Variants in NF1 observed in about 807,000 individuals in gnomAD.
NF1 encodes the protein neurofibromin.
NF1 carries 122 observed loss-of-function variants against 325.7 expected under a neutral mutation model. The ratio of observed to expected loss-of-function variants is 0.37; its 90% CI spans 0.32 to 0.44. The LOEUF (loss-of-function observed/expected upper bound fraction) is 0.44, where lower values mean the gene tolerates loss of function less well. Ranked by LOEUF, NF1 falls within the 20% of genes least tolerant of loss-of-function variation. NF1 has a pLI of 1.00. For synonymous variants in NF1, 1,091 were observed against 1,186.0 expected (o/e 0.92, Z 1.65); for missense variants, 2,140 against 3,415.4 (o/e 0.63, Z 9.31).
rs566112942 is a variant in NF1 at position 31,336,130 on chromosome 17, G to A, written c.6007-203G>A. Reference sequence around the variant, plus strand: ...TACCAATCTCTTAATCTCTGAAGGAGTCAAATGAATATACTCATCCTTTAC... The same window carrying A: ...TACCAATCTCTTAATCTCTGAAGGAATCAAATGAATATACTCATCCTTTAC... On this transcript the variant is annotated intron_variant, in intron 40 of 57. Coordinates refer to ENST00000358273, the MANE Select transcript of NF1 (RefSeq NM_001042492.3). The surrounding 1 kb of genome is among the most constrained non-coding windows in gnomAD (Gnocchi z 5.5). 6.6e-6 allele frequency among the ~76,000 whole-genome samples: 1 copy of A among 152,168 alleles called. No individual in the cohort carries two copies. Among genetic ancestry groups the A allele is most frequent in the Non-Finnish European group, 1.5e-5 (1 of 68,010 alleles).
chr17:31,187,862 A>C (rs2066271268), intron 8 of NF1, among the ~76,000 whole-genome samples: 1 of 152,136 alleles, frequency 6.6e-6, no homozygotes, highest in Non-Finnish European at 1.5e-5. Context: ...TAAGATTGCC[A>C]CCTGGACACA....
intron 3 of NF1, among the ~76,000 whole-genome samples, chr17:31,161,647 T>C (rs1227401773): frequency 6.6e-6 from 1 of 152,228 alleles, no homozygotes; most frequent in African/African-American, 2.4e-5. Flanking sequence ...CCTGGCCTTA[T>C]GTTCTCATGG....
intron 16 of NF1, 128 bp downstream of exon 16, chr17:31,223,695 G>A (rs2066966078): frequency 1.1e-6 from 1 of 886,846 alleles, no homozygotes; most frequent in Non-Finnish European, 1.8e-6. Context: ...GTTCTCAAAA[G>A]GAAATATGTA....
intron 36 of NF1, chr17:31,295,467 T>C: frequency 6.2e-7 from 1 of 1,614,186 alleles, no homozygotes; most frequent in Non-Finnish European, 8.5e-7. Context: ...AGAGAGTTAA[T>C]GGTGTCCACT....
intron 29 of NF1, among the ~76,000 whole-genome samples, chr17:31,247,193 CAAA>C (rs10564306): frequency 8.3e-4 from 78 of 94,402 alleles, no homozygotes; most frequent in Middle Eastern, 7.4e-3. Flanking sequence ...GACTCCATCT[CAAA>C]AAAAAAAAAA....
At chr17:31,356,850 T>C in intron 52 of NF1, 110 bp from the exon 53 acceptor site, 3 of 1,469,562 alleles carry the variant, frequency 2.0e-6, no homozygotes, top group Non-Finnish European at 2.8e-6. Context: ...TATGTTAGTA[T>C]TTTAAGTATC....
chr17:31,095,374 C>A lies in NF1; in HGVS notation c.60+5C>A. 1 of 1,539,434 alleles carries A rather than the reference C, an allele frequency of 6.5e-7. No individual in the cohort carries two copies. The highest frequency in any genetic ancestry group is 8.7e-7 in the Non-Finnish European group (1 of 1,146,354). On this transcript the variant is annotated splice_donor_5th_base_variant and intron_variant, in intron 1 of 57. Transcript: ENST00000358273. ...GTCAGCCGCTTCGACGAGCAGGTAA[C>A]CGGCCCGTGGCGGGCGGGAGGTGGG...
Position 31,236,057 on chromosome 17 carries a change from GT to G in NF1, c.3974+49del, listed in dbSNP as rs59745739. On this transcript the variant is annotated intron_variant, in intron 29 of 57. Transcript: ENST00000358273. Reference sequence around the variant, plus strand: ...TTTTCACATAGAACCGCTGTTTTTTGTTTTTTTTTTTTTGTTTGTTTGTTTT... The same window carrying G: ...TTTTCACATAGAACCGCTGTTTTTTGTTTTTTTTTTTTGTTTGTTTGTTTT... 0.029 allele frequency: 31,878 copies of G among 1,092,410 alleles called. No individual in the cohort carries two copies. The highest frequency in any genetic ancestry group is 0.033 in the Non-Finnish European group (25,858 of 773,408). The allele number at this position is 1,092,410 out of a possible 1,614,324, so 67.7% of individuals were successfully genotyped here.
chr17:31,112,995 A>G (rs1913556202), intron 1 of NF1, among the ~76,000 whole-genome samples: 1 of 152,184 alleles, frequency 6.6e-6, no homozygotes, highest in Non-Finnish European at 1.5e-5. Flanking sequence ...ACTATAATAA[A>G]ATATCAAGTC....
At chr17:31,278,184 C>G (rs1240820337) in intron 36 of NF1, 1 of 152,100 alleles carries the variant, frequency 6.6e-6, no homozygotes, top group Non-Finnish European at 1.5e-5. Flanking sequence ...TTCCGTTGAT[C>G]TGTTTTTGAA....
At chr17:31,187,875 T>C (rs1346545525) in intron 8 of NF1, among the ~76,000 whole-genome samples, 1 of 152,170 alleles carries the variant, frequency 6.6e-6, no homozygotes, top group Admixed American at 6.5e-5. Flanking sequence ...TGGACACACT[T>C]TGGGCTCCTC....
chr17:31,308,571 A>G (rs968172923), intron 36 of NF1, among the ~76,000 whole-genome samples: 1 of 152,048 alleles, frequency 6.6e-6, no homozygotes, highest in Admixed American at 6.6e-5. Context: ...TACTTTCTAA[A>G]CACACGATTT....
chr17:31,351,406 A>T (rs758577075), intron 50 of NF1, among the ~76,000 whole-genome samples: 2 of 151,952 alleles, frequency 1.3e-5, no homozygotes, highest in Non-Finnish European at 2.9e-5. Context: ...CATTTTATTT[A>T]TTTTTATTTT....
intron 1 of NF1, among the ~76,000 whole-genome samples, chr17:31,155,440 C>T (rs115215764): frequency 0.019 from 2,880 of 152,078 alleles, 103 homozygotes; most frequent in African/African-American, 0.066. Flanking sequence ...ACTGTTTTTT[C>T]CCCAGGTTTT....
chr17:31,138,735 A>G (rs1406760174), intron 1 of NF1, among the ~76,000 whole-genome samples: 2 of 117,936 alleles, frequency 1.7e-5, no homozygotes, highest in East Asian at 2.2e-4. Flanking sequence ...CTGGGACTAC[A>G]GGCTAATTTT....
At chr17:31,121,252 G>A (rs751682801) in intron 1 of NF1, among the ~76,000 whole-genome samples, 8 of 152,208 alleles carry the variant, frequency 5.3e-5, no homozygotes, top group Non-Finnish European at 1.0e-4. Flanking sequence ...GAAGGGAATA[G>A]GAATGGTAAA....
intron 36 of NF1, 62 bp from the exon 37 acceptor site, chr17:31,325,758 G>A (rs893747000): frequency 6.1e-6 from 7 of 1,146,808 alleles, no homozygotes; most frequent in South Asian, 3.8e-5. Flanking sequence ...TTGATTAGTG[G>A]CATCTGTATA....
intron 21 of NF1, 154 bp from the exon 22 acceptor site, chr17:31,229,681 G>T: frequency 9.6e-7 from 1 of 1,043,056 alleles, no homozygotes; most frequent in Admixed American, 1.8e-5. Context: ...CCTGTGTATG[G>T]GTACGAGTGT....
rs2143928369 is a variant in NF1 at position 31,208,591 on chromosome 17, G to A, written c.1392+2220G>A. Among the ~76,000 whole-genome samples the A allele has an allele frequency of 2.0e-5, 3 of 152,008 alleles. 1 individual carries two copies. In the Middle Eastern group the frequency reaches 0.01, roughly 524 times the overall value. On this transcript the variant is annotated intron_variant, in intron 12 of 57. Transcript: ENST00000358273. ...AGGTTTATAGCTTTTGCTTGAAAATGTCTAATGAAGAACTCAACACCGGAC... is the reference window on the plus strand; with the variant it reads ...AGGTTTATAGCTTTTGCTTGAAAATATCTAATGAAGAACTCAACACCGGAC...
Sources: allele counts gnomAD v4.1 joint callset (sites outside exome capture counted in the v4.1 genomes callset), GRCh38; gene constraint gnomAD v4.1.1; non-coding constraint Gnocchi (gnomAD v3.1); transcripts MANE v1.5; gene names NCBI Gene and HGNC (gene_info 2026-07-23, HGNC 2026-07-21).